The following IQSEC1 variants were observed in gnomAD, a reference collection of about 807,000 sequenced individuals.
IQSEC1 encodes IQ motif and Sec7 domain ArfGEF 1.
A neutral mutation model predicts 91.0 loss-of-function variants in IQSEC1; 31 were observed. The ratio of observed to expected loss-of-function variants is 0.34; its 90% confidence interval spans 0.26 to 0.46. The LOEUF (loss-of-function observed/expected upper bound fraction) is 0.46. Among genes scored for constraint, IQSEC1 ranks in the 20% least tolerant of loss-of-function variants. The pLI is 1.00. For missense variants in IQSEC1, 1,388 were observed against 1,575.6 expected (o/e 0.88, Z 2.02); for synonymous variants, 699 against 662.6 (o/e 1.05, Z -0.84).
rs180940771 is a variant in IQSEC1 at position 13,229,063 on chromosome 3, A to G, written c.272+53648T>C. Among the ~76,000 whole-genome samples the G allele has an allele frequency of 2.9e-3, 441 of 152,300 alleles. 2 individuals are homozygous for G. The highest frequency in any genetic ancestry group is 0.01 in the African/African-American group (424 of 41,550). On this transcript the variant is annotated intron_variant, in intron 1 of 15. Coordinates refer to the IQSEC1 transcript ENST00000648114. Reference sequence around the variant, plus strand: ...TGGAATAAACAAATAAGCCTGTGACATGGGCTGGCACCACTGGCATACACA... The same window carrying G: ...TGGAATAAACAAATAAGCCTGTGACGTGGGCTGGCACCACTGGCATACACA...
intron 1 of IQSEC1, among the ~76,000 whole-genome samples, chr3:13,197,810 A>G (rs1332617746): frequency 6.6e-6 from 1 of 152,214 alleles, no homozygotes; most frequent in African/African-American, 2.4e-5. Flanking sequence ...TCAAGGCCGA[A>G]TTAGGCTTTA....
chr3:13,261,773 T>G (rs1310381013), intron 1 of IQSEC1, among the ~76,000 whole-genome samples: 1 of 152,132 alleles, frequency 6.6e-6, no homozygotes, highest in Non-Finnish European at 1.5e-5. Context: ...ACCCATGAAA[T>G]TCACACAGCT....
rs1179432630 is a variant in IQSEC1, at chr3:12,902,288, AG to A, written c.2805+484del. 3.3e-5 allele frequency among the ~76,000 whole-genome samples: 5 copies of A among 152,288 alleles called. No homozygotes were observed. In the East Asian group the frequency reaches 7.7e-4, roughly 24 times the overall value. The stretch of plus-strand genomic sequence containing the variant: ...AAGCAATTCCATGGTGTCCTGCCGC[AG>A]ACACACAGCAATCAAACTCCAAGAA... On this transcript the variant is annotated intron_variant, in intron 13 of 13. Transcript: ENST00000613206.
intron 1 of IQSEC1, among the ~76,000 whole-genome samples, chr3:13,257,800 C>G (rs567043412): frequency 1.3e-5 from 2 of 152,226 alleles, no homozygotes; most frequent in African/African-American, 2.4e-5. Flanking sequence ...TGCCACACGG[C>G]CCAGCAATCA....
At chr3:13,198,710 C>G (rs953240424) in intron 1 of IQSEC1, among the ~76,000 whole-genome samples, 1 of 152,250 alleles carries the variant, frequency 6.6e-6, no homozygotes, top group Admixed American at 6.5e-5. Flanking sequence ...GGGCAAGGCA[C>G]TGCCATGTCT....
intron 1 of IQSEC1, among the ~76,000 whole-genome samples, chr3:12,953,970 G>GGA (rs1450126042): frequency 6.6e-6 from 1 of 152,214 alleles, no homozygotes; most frequent in Non-Finnish European, 1.5e-5. Flanking sequence ...AATTATTTCA[G>GGA]GAGAGACCTC....
At chr3:13,045,646 C>T (rs1323333855) in intron 1 of IQSEC1, among the ~76,000 whole-genome samples, 1 of 152,234 alleles carries the variant, frequency 6.6e-6, no homozygotes, top group Non-Finnish European at 1.5e-5. Context: ...TCCACACTCC[C>T]TGCATACCAG....
At chr3:12,996,360 C>T (rs1378824344) in intron 1 of IQSEC1, among the ~76,000 whole-genome samples, 2 of 152,144 alleles carry the variant, frequency 1.3e-5, no homozygotes, top group Non-Finnish European at 2.9e-5. Flanking sequence ...GCAAGTCCCA[C>T]GACTTTTCTG....
At chr3:13,192,210 C>T (rs1241956293) in intron 1 of IQSEC1, among the ~76,000 whole-genome samples, 3 of 151,992 alleles carry the variant, frequency 2.0e-5, no homozygotes, top group East Asian at 1.9e-4. Flanking sequence ...TGGTGGCGGG[C>T]GCCTGTAGTC....
At chr3:13,268,658 T>C (rs1298860934) in intron 1 of IQSEC1, among the ~76,000 whole-genome samples, 1 of 152,250 alleles carries the variant, frequency 6.6e-6, no homozygotes, top group East Asian at 1.9e-4. Flanking sequence ...TAAGTGCAAA[T>C]ACAATCTTAA....
intron 9 of IQSEC1, among the ~76,000 whole-genome samples, 193 bp from the exon 10 acceptor site, chr3:12,911,921 G>C (rs1279385771): frequency 6.6e-6 from 1 of 152,212 alleles, no homozygotes; most frequent in Non-Finnish European, 1.5e-5. Flanking sequence ...ATGCCATCTT[G>C]GCTGGCAACA....
At chr3:12,920,626 C>T (rs1487879984) in intron 5 of IQSEC1, 30 bp from the exon 6 acceptor site, 1 of 1,610,620 alleles carries the variant, frequency 6.2e-7, no homozygotes, top group African/African-American at 1.3e-5. Flanking sequence ...GGGTCAGGGC[C>T]ATGGCGCAGC....
chr3:13,174,679 C>T (rs928720687), intron 1 of IQSEC1, among the ~76,000 whole-genome samples: 12 of 152,154 alleles, frequency 7.9e-5, no homozygotes, highest in African/African-American at 2.4e-4. Context: ...GGTGTGTCCT[C>T]GTGGGTCCCC....
intron 1 of IQSEC1, among the ~76,000 whole-genome samples, chr3:13,166,759 G>A (rs1266399489): frequency 2.0e-5 from 3 of 152,198 alleles, no homozygotes. Flanking sequence ...CCCACACACT[G>A]GAGCCCAGCT....
intron 3 of IQSEC1, among the ~76,000 whole-genome samples, chr3:12,928,510 T>C (rs1437961084): frequency 1.3e-5 from 2 of 151,844 alleles, no homozygotes; most frequent in African/African-American, 2.4e-5. Context: ...CCTGCAGGAG[T>C]GACAGGCCCT....
chr3:13,162,049 G>T (rs564634568), intron 2 of IQSEC1, among the ~76,000 whole-genome samples: 3 of 152,166 alleles, frequency 2.0e-5, no homozygotes, highest in African/African-American at 7.2e-5. Flanking sequence ...CTGATGATCC[G>T]CTGGAGTGAA....
intron 1 of IQSEC1, among the ~76,000 whole-genome samples, chr3:13,063,831 G>A (rs1294002850): frequency 6.6e-6 from 1 of 152,220 alleles, no homozygotes; most frequent in Non-Finnish European, 1.5e-5. Flanking sequence ...GTGGAGGGCA[G>A]TAGAGGTTGG....
chr3:13,024,714 C>CCCACCCAT (rs1476078406), intron 1 of IQSEC1, among the ~76,000 whole-genome samples: 2 of 150,308 alleles, frequency 1.3e-5, no homozygotes, highest in Non-Finnish European at 3.0e-5. Context: ...TGTCCATCCA[C>CCCACCCAT]CCACCCATCC....
At position 13,214,630 on chromosome 3, in the gene IQSEC1, A is replaced by G. The variant is rs552941431; in HGVS notation, c.273-50497T>C. Among the ~76,000 whole-genome samples, 1 of 152,320 alleles carries G rather than the reference A, an allele frequency of 6.6e-6. No homozygotes were observed. The highest frequency in any genetic ancestry group is 2.1e-4 in the South Asian group (1 of 4,826). Reference sequence around the variant, plus strand: ...AGGTGAGGAGGGGGCACCTCCAGGAATCCACCCTGGCAAGAGCAGGGCCAC... The same window carrying G: ...AGGTGAGGAGGGGGCACCTCCAGGAGTCCACCCTGGCAAGAGCAGGGCCAC... On this transcript the variant is annotated intron_variant, in intron 1 of 15. Coordinates refer to the IQSEC1 transcript ENST00000648114. The surrounding 1 kb of genome is among the most constrained non-coding windows in gnomAD (Gnocchi z 4.5).
Sources: allele counts gnomAD v4.1 joint callset (sites outside exome capture counted in the v4.1 genomes callset), GRCh38; gene constraint gnomAD v4.1.1; non-coding constraint Gnocchi (gnomAD v3.1); transcripts MANE v1.5; gene names NCBI Gene and HGNC (gene_info 2026-07-23, HGNC 2026-07-21).